The following CDH7 variants were observed in gnomAD, a reference collection of about 807,000 sequenced individuals.
CDH7 encodes cadherin 7, also known as cadherin-7.
A neutral mutation model predicts 71.8 loss-of-function variants in CDH7; 25 were observed. The observed-to-expected ratio is 0.35, with a 90% CI of 0.25 to 0.49. The LOEUF is 0.49. CDH7 is among the 20% of genes least tolerant of loss of function. CDH7 has a pLI of 0.99. For synonymous variants in CDH7, 381 were observed against 363.8 expected (o/e 1.05, Z -0.54); for missense variants, 862 against 974.6 (o/e 0.88, Z 1.54).
chr18:65,875,389 C>T (rs2144062795), intron 11 of CDH7, among the ~76,000 whole-genome samples: 1 of 152,256 alleles, frequency 6.6e-6, no homozygotes, highest in East Asian at 1.9e-4. Flanking sequence ...TGATGATAGT[C>T]CAGTAGAAAT....
chr18:65,860,285 T>C (rs1331749419), intron 10 of CDH7, among the ~76,000 whole-genome samples: 1 of 151,930 alleles, frequency 6.6e-6, no homozygotes, highest in Non-Finnish European at 1.5e-5. Flanking sequence ...AATGCAAATG[T>C]AATTCATGCA....
chr18:65,814,400 A>G, intron 3 of CDH7, 85 bp from the exon 4 acceptor site: 1 of 1,431,044 alleles, frequency 7.0e-7, no homozygotes, highest in Non-Finnish European at 9.9e-7. Flanking sequence ...AATAAGCTTA[A>G]TGTGGAATCA....
chr18:65,756,927 G>A (rs2143773847), intron 1 of CDH7, among the ~76,000 whole-genome samples: 1 of 152,296 alleles, frequency 6.6e-6, no homozygotes, highest in Non-Finnish European at 1.5e-5. Context: ...ATGTTAGTGT[G>A]CAGTGGCTGA....
At chr18:65,784,563 C>A (rs983379104) in intron 2 of CDH7, among the ~76,000 whole-genome samples, 7 of 152,130 alleles carry the variant, frequency 4.6e-5, no homozygotes, top group African/African-American at 1.7e-4. Flanking sequence ...TGTTGGACTG[C>A]AGTTAAAATA....
Position 65,881,707 on chromosome 18 carries a change from T to C in CDH7, c.*813T>C, listed in dbSNP as rs1220569308. 1 of 152,140 alleles carries C rather than the reference T, an allele frequency of 6.6e-6. No individual in the cohort carries two copies. Among genetic ancestry groups the C allele is most frequent in the Non-Finnish European group, 1.5e-5 (1 of 68,008 alleles). 9.4% of individuals were successfully genotyped at this position (152,140 alleles called of 1,614,324 possible). A position where few individuals can be genotyped will look rare whatever the true frequency, so the allele number is the denominator to read the frequency against. ...TATTTGACACATGGTGTTGTATTTA[T>C]TTTGGAGCTCCAATCTCCACTAAAT... On this transcript the variant is annotated 3_prime_UTR_variant, in exon 12 of 12. Transcript: ENST00000397968.
Position 65,862,909 on chromosome 18 carries a change from C to T in CDH7, c.1856C>T (p.Thr619Ile), listed in dbSNP as rs1403210376. 6.2e-7 allele frequency: 1 copy of T among 1,614,000 alleles called. No individual in the cohort carries two copies. The highest frequency in any genetic ancestry group is 8.5e-7 in the Non-Finnish European group (1 of 1,180,006). Residue 619 changes from threonine (T) to isoleucine (I), a missense_variant, in exon 11 of 12, where the codon ACA (threonine) becomes ATA (isoleucine). Coordinates refer to ENST00000397968, the MANE Select transcript of CDH7 (RefSeq NM_004361.5). ...ALIAILACVLTLLVLILLIVT... is the reference protein window; with the variant it reads ...ALIAILACVLILLVLILLIVT... ...ATAGCCATACTCGCCTGTGTCTTGA[C>T]ATTATTGGGTAGGTACTGTTTCCAG...
At position 65,883,021 on chromosome 18, in the gene CDH7, G is replaced by A. The variant is rs1321696426; in HGVS notation, c.*2127G>A. 1 of 151,894 alleles carries A rather than the reference G, an allele frequency of 6.6e-6. No individual in the cohort carries two copies. Among genetic ancestry groups the A allele is most frequent in the Non-Finnish European group, 1.5e-5 (1 of 67,936 alleles). The allele number at this position is 151,894 out of a possible 1,614,324, so 9.4% of individuals were successfully genotyped here. The stretch of plus-strand genomic sequence containing the variant: ...GGAGGTGTGGATGTATTTTAGAAAA[G>A]GAACACACATCATTCACCCTGCTTT... On this transcript the variant is annotated 3_prime_UTR_variant, in exon 12 of 12. Coordinates refer to ENST00000397968, the MANE Select transcript of CDH7 (RefSeq NM_004361.5).
At chr18:65,844,127 CTTATT>C (rs1241217916) in intron 7 of CDH7, 62 bp downstream of exon 7, 18 of 1,383,802 alleles carry the variant, frequency 1.3e-5, no homozygotes, top group Non-Finnish European at 1.8e-5. Context: ...GTTCACAACT[CTTATT>C]TTACGCTCTG....
intron 7 of CDH7, among the ~76,000 whole-genome samples, chr18:65,853,918 T>TATATATATATCC (rs1913240246): frequency 1.5e-5 from 1 of 66,310 alleles, no homozygotes; most frequent in African/African-American, 8.6e-5. Context: ...TATATATATA[T>TATATATATATCC]ATATATATAT....
intron 1 of CDH7, among the ~76,000 whole-genome samples, chr18:65,760,178 CA>C (rs1916150508): frequency 6.6e-6 from 1 of 152,056 alleles, no homozygotes; most frequent in Non-Finnish European, 1.5e-5. Flanking sequence ...TTTTGATTGC[CA>C]GGCACTATTT....
Position 65,881,311 on chromosome 18 carries a change from C to A in CDH7, c.*417C>A, listed in dbSNP as rs1256909966. The A allele has an allele frequency of 6.4e-6, 1 of 155,070 alleles. No individual in the cohort carries two copies. Among genetic ancestry groups the A allele is most frequent in the East Asian group, 1.9e-4 (1 of 5,226 alleles). The allele number at this position is 155,070 out of a possible 1,614,324, so 9.6% of individuals were successfully genotyped here. On this transcript the variant is annotated 3_prime_UTR_variant, in exon 12 of 12. Transcript: ENST00000397968. ...TAGAACATGATGAGCTATTGAAAAA[C>A]CCTGGAACTTGTTGCATATCAAAAC...
intron 10 of CDH7, among the ~76,000 whole-genome samples, chr18:65,860,283 T>C (rs2144033330): frequency 6.6e-6 from 1 of 152,264 alleles, no homozygotes; most frequent in South Asian, 2.1e-4. Context: ...TAAATGCAAA[T>C]GTAATTCATG....
At chr18:65,855,827 T>G (rs1913333951) in intron 7 of CDH7, among the ~76,000 whole-genome samples, 1 of 152,128 alleles carries the variant, frequency 6.6e-6, no homozygotes, top group Admixed American at 6.5e-5. Context: ...ATGCAAATAT[T>G]TTCCACAGAA....
Position 65,888,474 on chromosome 18 carries a change from C to T in CDH7, c.*7580C>T, listed in dbSNP as rs984540449. On this transcript the variant is annotated 3_prime_UTR_variant, in exon 12 of 12. Transcript: ENST00000397968. Reference sequence around the variant, plus strand: ...TTCTCAGCTGTGATGGTGGCGCCATCCTGGTTTCCAGCTTATACCTCCTGA... The same window carrying T: ...TTCTCAGCTGTGATGGTGGCGCCATTCTGGTTTCCAGCTTATACCTCCTGA... The T allele has an allele frequency of 1.3e-5, 2 of 152,044 alleles. No homozygotes were observed. Among genetic ancestry groups the T allele is most frequent in the Non-Finnish European group, 2.9e-5 (2 of 67,996 alleles). The allele number at this position is 152,044 out of a possible 1,614,324, so 9.4% of individuals were successfully genotyped here.
At chr18:65,829,714 A>G (rs1912267214) in intron 6 of CDH7, among the ~76,000 whole-genome samples, 1 of 151,534 alleles carries the variant, frequency 6.6e-6, no homozygotes. Context: ...TTTCCTTTAA[A>G]CAATAAACAG....
Position 65,887,353 on chromosome 18 carries a change from T to C in CDH7, c.*6459T>C, listed in dbSNP as rs1347964519. On this transcript the variant is annotated 3_prime_UTR_variant, in exon 12 of 12. Coordinates refer to ENST00000397968, the MANE Select transcript of CDH7 (RefSeq NM_004361.5). ...CATATGTATACATGTGCCATGCTGGTGTGCGGCACCCATTAACTCGTCATT... is the reference window on the plus strand; with the variant it reads ...CATATGTATACATGTGCCATGCTGGCGTGCGGCACCCATTAACTCGTCATT... The C allele has an allele frequency of 6.6e-6, 1 of 151,988 alleles. No individual in the cohort carries two copies. The highest frequency in any genetic ancestry group is 1.5e-5 in the Non-Finnish European group (1 of 68,008). 9.4% of individuals were successfully genotyped at this position (151,988 alleles called of 1,614,324 possible). A position where few individuals can be genotyped will look rare whatever the true frequency, so the allele number is the denominator to read the frequency against.
Position 65,859,753 on chromosome 18 carries a change from G to A in CDH7, c.1540G>A (p.Gly514Arg), listed in dbSNP as rs1414669899. 2.5e-6 allele frequency: 4 copies of A among 1,612,044 alleles called. No individual in the cohort carries two copies. The Admixed American group carries it at 5.0e-5, about 20-fold the overall frequency. The change falls in exon 10 of 12, where the codon GGA becomes AGA. Residue 514 changes from glycine to arginine, a missense_variant. Coordinates refer to ENST00000397968, the MANE Select transcript of CDH7 (RefSeq NM_004361.5). ...SAVDKDEPSN[G>R]HQFYFSLTTD... is the part of the protein sequence containing the mutation. ...TGTGGATAAAGATGAGCCATCCAAT[G>A]GACACCAGTTTTACTTCAGCTTAAC... is the stretch of plus-strand genomic sequence containing the variant.
intron 1 of CDH7, among the ~76,000 whole-genome samples, chr18:65,754,841 T>C (rs1915989002): frequency 6.6e-6 from 1 of 152,226 alleles, no homozygotes; most frequent in South Asian, 2.1e-4. Flanking sequence ...AATAGTTAGC[T>C]ACCTTGTGTC....
chr18:65,792,976 G>C (rs753674497), intron 2 of CDH7, among the ~76,000 whole-genome samples: 9 of 152,160 alleles, frequency 5.9e-5, no homozygotes, highest in Middle Eastern at 3.4e-3. Context: ...TATTTTCCTT[G>C]ATGCTGTACT....
Sources: allele counts gnomAD v4.1 joint callset (sites outside exome capture counted in the v4.1 genomes callset), GRCh38; gene constraint gnomAD v4.1.1; transcripts MANE v1.5; gene names NCBI Gene and HGNC (gene_info 2026-07-23, HGNC 2026-07-21).